Variants in VPS37A observed in about 807,000 individuals in gnomAD.
VPS37A encodes VPS37A subunit of ESCRT-I.
A neutral mutation model predicts 49.8 loss-of-function variants in VPS37A; 30 were observed. That is an observed-to-expected ratio of 0.60 (90% CI 0.45 to 0.82). The LOEUF is 0.82. Ranked by LOEUF, VPS37A falls within the 40% of genes least tolerant of loss-of-function variation. VPS37A has a pLI of 0.00. For synonymous variants in VPS37A, 195 were observed against 160.6 expected (o/e 1.21, Z -1.62); for missense variants, 593 against 464.4 (o/e 1.28, Z -2.55).
At chr8:17,324,182 A>G in the VPS37A span, among the ~76,000 whole-genome samples, 1 of 152,198 alleles carries the variant, frequency 6.6e-6, no homozygotes, top group African/African-American at 2.4e-5. Context: ...AAAATTGGTT[A>G]CTTCTTTCAG....
chr8:17,268,588 G>C (rs901894073), intron 3 of VPS37A, among the ~76,000 whole-genome samples: 1 of 151,912 alleles, frequency 6.6e-6, no homozygotes, highest in Non-Finnish European at 1.5e-5. Flanking sequence ...ATTTACCTTT[G>C]AACCCTCAAA....
At chr8:17,309,058 G>C in the VPS37A span, among the ~76,000 whole-genome samples, 1 of 152,178 alleles carries the variant, frequency 6.6e-6, no homozygotes, top group Non-Finnish European at 1.5e-5. Context: ...GTCTCTTCTA[G>C]AACAAGTTAA....
At chr8:17,277,509 C>G (rs1007794999) in intron 6 of VPS37A, among the ~76,000 whole-genome samples, 1 of 152,012 alleles carries the variant, frequency 6.6e-6, no homozygotes, top group African/African-American at 2.4e-5. Flanking sequence ...TGCTTCATGC[C>G]TCTTCTATCC....
Position 17,254,737 on chromosome 8 carries a change from A to C in VPS37A, c.125+7368A>C, listed in dbSNP as rs140215833. Among the ~76,000 whole-genome samples the C allele has an allele frequency of 4.3e-4, 66 of 151,948 alleles. 1 individual carries two copies. The highest frequency in any genetic ancestry group is 1.6e-3 in the African/African-American group (65 of 41,402). ...GTAGTTTTTGCTTTTCAGCACTGTT[A>C]TGGATTTGCTTTTTAAAAATCTGTT... On this transcript the variant is annotated intron_variant, in intron 1 of 11. Transcript: ENST00000324849.
At chr8:17,300,339 G>A, downstream of VPS37A, 2 of 1,150,644 alleles carry the variant, frequency 1.7e-6, no homozygotes, top group Non-Finnish European at 2.4e-6. Flanking sequence ...AAGAACATGT[G>A]ACTCAGAGGG....
At position 17,286,405 on chromosome 8, in the gene VPS37A, G is replaced by A; in HGVS notation, c.1172G>A (p.Ser391Asn). 1 of 1,613,828 alleles carries A rather than the reference G, an allele frequency of 6.2e-7. No homozygotes were observed. Among genetic ancestry groups the A allele is most frequent in the Non-Finnish European group, 8.5e-7 (1 of 1,179,870 alleles). ...EKLQQAIAMH[S>N]QFHAPL ...CTTCAGCAGGCGATAGCAATGCACA[G>A]CCAATTTCATGCTCCACTATAGGTA... The change falls in exon 11 of 12, where the codon AGC becomes AAC. Residue 391 changes from serine to asparagine, a missense_variant. Transcript: ENST00000324849.
intron 1 of VPS37A, among the ~76,000 whole-genome samples, chr8:17,264,580 G>C (rs936809390): frequency 2.0e-5 from 3 of 152,128 alleles, no homozygotes; most frequent in East Asian, 3.8e-4. Context: ...CAACACTTTT[G>C]AATCTTTTAA....
At chr8:17,262,698 A>G (rs1427918169) in intron 1 of VPS37A, among the ~76,000 whole-genome samples, 1 of 152,160 alleles carries the variant, frequency 6.6e-6, no homozygotes, top group Non-Finnish European at 1.5e-5. Context: ...CAAACAATCT[A>G]AATATCTAAT....
At chr8:17,263,307 G>A (rs951749237) in intron 1 of VPS37A, among the ~76,000 whole-genome samples, 3 of 151,958 alleles carry the variant, frequency 2.0e-5, no homozygotes, top group African/African-American at 7.2e-5. Flanking sequence ...TATTAAAATA[G>A]CAACATTCAA....
At chr8:17,273,411 G>C (rs1251932832) in intron 4 of VPS37A, among the ~76,000 whole-genome samples, 1 of 152,128 alleles carries the variant, frequency 6.6e-6, no homozygotes, top group Non-Finnish European at 1.5e-5. Context: ...ATTTTCCCCA[G>C]GCTGGAGTGC....
the VPS37A span, among the ~76,000 whole-genome samples, chr8:17,316,736 T>A: frequency 0.25 from 37,482 of 151,978 alleles, 4,950 homozygotes; most frequent in African/African-American, 0.32. Flanking sequence ...ACCTACATTG[T>A]ATTAAGTATT....
chr8:17,253,924 G>A (rs955196395), intron 1 of VPS37A, among the ~76,000 whole-genome samples: 1 of 152,072 alleles, frequency 6.6e-6, no homozygotes, highest in Admixed American at 6.6e-5. Context: ...ACCATTTTTG[G>A]AGCTATTTGT....
At chr8:17,265,048 A>G (rs1056109693) in intron 1 of VPS37A, among the ~76,000 whole-genome samples, 3 of 152,224 alleles carry the variant, frequency 2.0e-5, no homozygotes, top group South Asian at 2.1e-4. Flanking sequence ...TATTTTTCTC[A>G]CACATAAAGC....
chr8:17,292,597 C>G (rs923222449), intron 11 of VPS37A, among the ~76,000 whole-genome samples: 1 of 152,114 alleles, frequency 6.6e-6, no homozygotes, highest in African/African-American at 2.4e-5. Context: ...GTGGCTGGTA[C>G]CAGTTATTCC....
chr8:17,315,131 G>A, the VPS37A span, among the ~76,000 whole-genome samples: 1 of 152,330 alleles, frequency 6.6e-6, no homozygotes, highest in Admixed American at 6.5e-5. Flanking sequence ...TTAAAATGTA[G>A]TATGTCCTGA....
intron 1 of VPS37A, among the ~76,000 whole-genome samples, chr8:17,261,242 C>G (rs1477319987): frequency 6.6e-6 from 1 of 152,134 alleles, no homozygotes; most frequent in African/African-American, 2.4e-5. Context: ...TCTGCCTGAT[C>G]CATTCTGCCA....
downstream of VPS37A, among the ~76,000 whole-genome samples, chr8:17,302,890 T>G (rs1360238716): frequency 1.3e-5 from 2 of 151,828 alleles, no homozygotes; most frequent in Non-Finnish European, 2.9e-5. Flanking sequence ...ATATTTTTTT[T>G]AGTAGAGACA....
the VPS37A span, among the ~76,000 whole-genome samples, chr8:17,318,498 G>A: frequency 6.6e-6 from 1 of 152,190 alleles, no homozygotes; most frequent in Non-Finnish European, 1.5e-5. Flanking sequence ...TGCAGCAGGA[G>A]GATGGACGGC....
the VPS37A span, among the ~76,000 whole-genome samples, chr8:17,320,019 T>C: frequency 4.6e-5 from 7 of 152,196 alleles, no homozygotes; most frequent in African/African-American, 1.7e-4. Context: ...AAAGGCATGC[T>C]ACACACAAAA....
Sources: gnomAD v4.1 joint callset for allele counts (sites outside exome capture counted in the v4.1 genomes callset) on GRCh38, gnomAD v4.1.1 for gene constraint, MANE v1.5 for transcripts, NCBI Gene and HGNC (gene_info 2026-07-23, HGNC 2026-07-21) for gene names.